The following SLPI variants were observed in gnomAD, a reference collection of about 807,000 sequenced individuals.
SLPI encodes the protein secretory leukocyte peptidase inhibitor.
SLPI carries 20 observed loss-of-function variants against 14.3 expected under a neutral mutation model. The observed-to-expected ratio is 1.40, with a 90% confidence interval of 0.99 to 2.04. The LOEUF (loss-of-function observed/expected upper bound fraction) is 2.04. SLPI is among the 30% of genes most tolerant of loss of function. The pLI is 0.00. For missense variants in SLPI, 169 were observed against 159.4 expected (o/e 1.06, Z -0.32); for synonymous variants, 68 against 54.8 (o/e 1.24, Z -1.07).
At chr20:45,253,279 C>T in intron 2 of SLPI, 128 bp from the exon 3 acceptor site, 1 of 1,136,930 alleles carries the variant, frequency 8.8e-7, no homozygotes, top group Non-Finnish European at 1.2e-6. Flanking sequence ...CCTCTATCAC[C>T]ACCACCTTCT....
At chr20:45,252,548 T>C in intron 3 of SLPI, 129 bp from the exon 4 acceptor site, 1 of 886,608 alleles carries the variant, frequency 1.1e-6, no homozygotes, top group Non-Finnish European at 1.8e-6. Flanking sequence ...TGAGAGAGAC[T>C]TAGTGTCAGG....
rs1984709336 is a variant in SLPI, at chr20:45,253,082, C to A, written c.314G>T (p.Cys105Phe). 5.0e-6 allele frequency: 8 copies of A among 1,614,212 alleles called. No individual in the cohort carries two copies. The highest frequency in any genetic ancestry group is 6.8e-6 in the Non-Finnish European group (8 of 1,180,026). ...ACGCTTGCACTGGCCATCCATCTCA[C>A]AGAAATTGGGGGGGTTAAGCATCAA... ...QCLMLNPPNFCEMDGQCKRDL... is the reference protein window; with the variant it reads ...QCLMLNPPNFFEMDGQCKRDL... Residue 105 changes from cysteine to phenylalanine, a missense_variant, in exon 3 of 4, where the codon TGT (cysteine) becomes TTT (phenylalanine). Cys to Phe is a radical substitution (Grantham distance 205). Transcript: ENST00000338380.
intron 2 of SLPI, 36 bp from the exon 3 acceptor site, chr20:45,253,187 T>A (rs777065510): frequency 1.9e-6 from 3 of 1,604,636 alleles, no homozygotes; most frequent in Non-Finnish European, 2.6e-6. Context: ...AGAGGCCTTG[T>A]ACTTTATACA....
rs781447982 is a variant in SLPI, at chr20:45,252,282, G to C, written c.*133C>G. Reference sequence around the variant, plus strand: ...CGTTTATTTATTCATTGATCAACTGGCACTTCTTGAAAGCCTGCTGTGTGC... The same window carrying C: ...CGTTTATTTATTCATTGATCAACTGCCACTTCTTGAAAGCCTGCTGTGTGC... On this transcript the variant is annotated 3_prime_UTR_variant, in exon 4 of 4. Coordinates refer to ENST00000338380, the MANE Select transcript of SLPI (RefSeq NM_003064.4). The C allele has an allele frequency of 3.1e-4, 219 of 704,198 alleles. No homozygotes were observed. Among genetic ancestry groups the C allele is most frequent in the Non-Finnish European group, 4.8e-4 (203 of 424,216 alleles). The allele number at this position is 704,198 out of a possible 1,614,324, so 43.6% of individuals were successfully genotyped here. A position where few individuals can be genotyped will look rare whatever the true frequency, so the allele number is the denominator to read the frequency against.
Position 45,253,733 on chromosome 20 carries a change from G to A in SLPI, c.86C>T (p.Ser29Phe), listed in dbSNP as rs1984735930. ...AGGAGGACAGACTCCAGCTTTGAAG[G>A]CTTTTGAAGAGAAAGTCAAGAGGTC... ...APWAVEGSGK[S>F]FKAGVCPPKK... The change falls in exon 2 of 4, where the codon TCC (serine) becomes TTC (phenylalanine). Residue 29 changes from serine (S) to phenylalanine (F), a missense_variant and splice_region_variant. Transcript: ENST00000338380. 1 of 1,613,394 alleles carries A rather than the reference G, an allele frequency of 6.2e-7. No individual in the cohort carries two copies.
At chr20:45,252,931 T>A (rs1237564581) in intron 3 of SLPI, 71 bp downstream of exon 3, 1 of 1,523,968 alleles carries the variant, frequency 6.6e-7, no homozygotes, top group Non-Finnish European at 9.0e-7. Flanking sequence ...CCTGCCCATA[T>A]GCCTGGGCCT....
chr20:45,252,917 TC>T, intron 3 of SLPI, 84 bp downstream of exon 3: 3 of 1,418,566 alleles, frequency 2.1e-6, no homozygotes, highest in Non-Finnish European at 2.9e-6. Flanking sequence ...GGTTCAGGAG[TC>T]CCCCTGCCCA....
At chr20:45,253,291 C>A in intron 2 of SLPI, 140 bp from the exon 3 acceptor site, 1 of 1,055,592 alleles carries the variant, frequency 9.5e-7, no homozygotes. Context: ...CCACCTTCTC[C>A]CTAAGGCGGC....
At chr20:45,253,542 ACTCCT>A in intron 2 of SLPI, 28 bp downstream of exon 2, 1 of 1,599,718 alleles carries the variant, frequency 6.3e-7, no homozygotes, top group East Asian at 2.2e-5. Flanking sequence ...CCCCAGGCTC[ACTCCT>A]CTCTACCCAG....
intron 3 of SLPI, 120 bp from the exon 4 acceptor site, chr20:45,252,539 G>T: frequency 1.0e-6 from 1 of 1,001,786 alleles, no homozygotes; most frequent in Non-Finnish European, 1.5e-6. Flanking sequence ...CGCTATAGTT[G>T]AGAGAGACTT....
At chr20:45,253,500 C>A in intron 2 of SLPI, 75 bp downstream of exon 2, 5 of 1,408,170 alleles carry the variant, frequency 3.6e-6, no homozygotes, top group Non-Finnish European at 4.9e-6. Context: ...TGGCAGGACC[C>A]ATCACCCAGT....
In SLPI at chr20:45,253,777, G is replaced by C. The variant is rs765100898; in HGVS notation, c.86-44C>G. The C allele has an allele frequency of 6.3e-6, 10 of 1,580,554 alleles. No individual in the cohort carries two copies. In the South Asian group the frequency reaches 8.0e-5, roughly 13 times the overall value. On this transcript the variant is annotated intron_variant, in intron 1 of 3. Transcript: ENST00000338380. ...AGAGGTCAGGAGGAGGCTGGGTACTGAGGACCCATCATGCCTCCTGAACAA... is the reference window on the plus strand; with the variant it reads ...AGAGGTCAGGAGGAGGCTGGGTACTCAGGACCCATCATGCCTCCTGAACAA...
At chr20:45,253,297 G>A (rs946812661) in intron 2 of SLPI, 146 bp from the exon 3 acceptor site, 17 of 1,041,164 alleles carry the variant, frequency 1.6e-5, no homozygotes, top group Non-Finnish European at 2.3e-5. Flanking sequence ...TCTCCCTAAG[G>A]CGGCCCCCAA....
Position 45,253,037 on chromosome 20 carries a change from C to T in SLPI, c.359G>A (p.Gly120Asp). ...QCKRDLKCCM[G>D]MCGKSCVSPV... ...GGAAACGCAGGATTTCCCACACATGCCCATGCAACACTTCAAGTCACGCTT... is the reference window on the plus strand; with the variant it reads ...GGAAACGCAGGATTTCCCACACATGTCCATGCAACACTTCAAGTCACGCTT... Residue 120 changes from glycine (G) to aspartate (D), a missense_variant, in exon 3 of 4, where the codon GGC becomes GAC. By Grantham distance (94) the Gly-to-Asp change is moderately conservative (BLOSUM62 -1). Coordinates refer to ENST00000338380, the MANE Select transcript of SLPI (RefSeq NM_003064.4). 1 of 1,614,168 alleles carries T rather than the reference C, an allele frequency of 6.2e-7. No homozygotes were observed. Among genetic ancestry groups the T allele is most frequent in the Non-Finnish European group, 8.5e-7 (1 of 1,179,998 alleles).
At chr20:45,254,343 G>T (rs1333017155) in intron 1 of SLPI, 116 bp downstream of exon 1, 7 of 804,092 alleles carry the variant, frequency 8.7e-6, no homozygotes, top group Admixed American at 2.7e-5. Flanking sequence ...CCTCAGGGAG[G>T]TCTCCCGAAA....
Position 45,253,132 on chromosome 20 carries a change from C to G in SLPI, c.264G>C (p.Lys88Asn), listed in dbSNP as rs767102376. ...TPNPTRRKPG[K>N]CPVTYGQCLM... The stretch of plus-strand genomic sequence containing the variant: ...AACATTGGCCATAAGTCACTGGGCA[C>G]TTCCCAGGCTTCCTCCTTGCTGGGT... The change falls in exon 3 of 4, where the codon AAG becomes AAC. Residue 88 changes from lysine (K) to asparagine (N), a missense_variant. Coordinates refer to ENST00000338380, the MANE Select transcript of SLPI (RefSeq NM_003064.4). 3 of 1,614,010 alleles carry G rather than the reference C, an allele frequency of 1.9e-6. No individual in the cohort carries two copies. The highest frequency in any genetic ancestry group is 8.5e-7 in the Non-Finnish European group (1 of 1,179,906).
chr20:45,252,718 A>G (rs1184519599), intron 3 of SLPI, among the ~76,000 whole-genome samples: 1 of 152,178 alleles, frequency 6.6e-6, no homozygotes, highest in African/African-American at 2.4e-5. Context: ...GAGCACTTTC[A>G]ATCTCATTAT....
chr20:45,254,432 G>T (rs1984759342), intron 1 of SLPI, 27 bp downstream of exon 1: 4 of 1,605,014 alleles, frequency 2.5e-6, no homozygotes, highest in Non-Finnish European at 3.4e-6. Context: ...CTGCAGCCCA[G>T]ATTAGACCAG....
intron 2 of SLPI, 105 bp from the exon 3 acceptor site, chr20:45,253,256 C>T: frequency 7.6e-7 from 1 of 1,320,142 alleles, no homozygotes; most frequent in South Asian, 1.4e-5. Context: ...CAGGGGGGAT[C>T]ATCCCCTCCC....
Sources: gnomAD v4.1 joint callset for allele counts (sites outside exome capture counted in the v4.1 genomes callset) on GRCh38, gnomAD v4.1.1 for gene constraint, MANE v1.5 for transcripts, NCBI Gene and HGNC (gene_info 2026-07-23, HGNC 2026-07-21) for gene names.